Variants in NCAM1 observed in about 807,000 individuals in gnomAD.
NCAM1 encodes the protein neural cell adhesion molecule 1, also known as antigen recognized by monoclonal antibody 5.1H11.
A neutral mutation model predicts 109.8 loss-of-function variants in NCAM1; 14 were observed. The ratio of observed to expected loss-of-function variants is 0.13; its 90% confidence interval spans 0.08 to 0.20. The LOEUF (loss-of-function observed/expected upper bound fraction) is 0.20, where lower values mean the gene tolerates loss of function less well. Among genes scored for constraint, NCAM1 ranks in the 10% least tolerant of loss-of-function variants. The probability of loss-of-function intolerance (pLI) is 1.00; values close to 1 mark genes in which losing one functional copy is unlikely to be tolerated. For synonymous variants in NCAM1, 418 were observed against 442.9 expected (o/e 0.94, Z 0.70); for missense variants, 774 against 1,109.9 (o/e 0.70, Z 4.30).
chr11:113,100,474 G>A (rs1380949006), intron 1 of NCAM1, among the ~76,000 whole-genome samples: 1 of 152,158 alleles, frequency 6.6e-6, no homozygotes, highest in Non-Finnish European at 1.5e-5. Flanking sequence ...CATCCAGGAA[G>A]AAGCAGGTCA....
chr11:113,264,145 C>T (rs1946081618), intron 17 of NCAM1: 3 of 985,108 alleles, frequency 3.0e-6, no homozygotes, highest in South Asian at 4.7e-5. Flanking sequence ...AACTCCCTCC[C>T]TCCCCCCATT....
chr11:112,997,378 C>T (rs1951623340), intron 1 of NCAM1, among the ~76,000 whole-genome samples: 1 of 152,088 alleles, frequency 6.6e-6, no homozygotes, highest in African/African-American at 2.4e-5. Flanking sequence ...TAGGTGTTGT[C>T]ATGTCTTTTG....
intron 17 of NCAM1, among the ~76,000 whole-genome samples, chr11:113,265,391 C>G (rs1946117495): frequency 6.6e-6 from 1 of 152,150 alleles, no homozygotes; most frequent in Admixed American, 6.5e-5. Flanking sequence ...AGAGGCATTG[C>G]TGCCTTGGAG....
intron 1 of NCAM1, among the ~76,000 whole-genome samples, chr11:113,120,445 G>A (rs556790669): frequency 6.6e-5 from 10 of 152,278 alleles, no homozygotes; most frequent in Non-Finnish European, 1.5e-4. Flanking sequence ...AGGACCTTTA[G>A]CTGTATTCAG....
chr11:112,961,560 G>GC lies in NCAM1; in HGVS notation c.-53_-52insC, dbSNP rs782517564. 5 of 1,144,776 alleles carry GC rather than the reference G, an allele frequency of 4.4e-6. No homozygotes were observed. Among genetic ancestry groups the GC allele is most frequent in the South Asian group, 2.5e-5 (2 of 81,002 alleles). 70.9% of individuals were successfully genotyped at this position (1,144,776 alleles called of 1,614,324 possible). ...CGCCGTCCACACTCGCTGCAGGGGG[G>GC]GGGGCACAGAATTTACCGCGGCAAG... On this transcript the variant is annotated 5_prime_UTR_variant, in exon 1 of 20. Transcript: ENST00000316851.
chr11:113,229,139 A>C (rs1944929942), intron 9 of NCAM1, among the ~76,000 whole-genome samples: 1 of 152,254 alleles, frequency 6.6e-6, no homozygotes, highest in African/African-American at 2.4e-5. Flanking sequence ...CATCAGAGTG[A>C]ACAGGCAACC....
chr11:112,971,459 A>G (rs1950880293), intron 1 of NCAM1, among the ~76,000 whole-genome samples: 1 of 152,136 alleles, frequency 6.6e-6, no homozygotes, highest in African/African-American at 2.4e-5. Context: ...GGGGAGGAAG[A>G]AATGACAGCA....
At chr11:113,254,705 TTCTGTCACACG>T (rs1280740053) in intron 15 of NCAM1, among the ~76,000 whole-genome samples, 2 of 152,204 alleles carry the variant, frequency 1.3e-5, no homozygotes, top group Non-Finnish European at 2.9e-5. Context: ...TTTGTGGCTC[TTCTGTCACACG>T]TCTGTGATTC....
At chr11:113,270,475 C>T (rs1269993474) in intron 18 of NCAM1, 80 bp downstream of exon 18, 1 of 1,346,878 alleles carries the variant, frequency 7.4e-7, no homozygotes, top group Admixed American at 1.9e-5. Flanking sequence ...CACCCTGCGC[C>T]ATCAGCTGGT....
chr11:113,237,095 GAC>G (rs782226682), intron 14 of NCAM1, among the ~76,000 whole-genome samples: 41 of 152,278 alleles, frequency 2.7e-4, no homozygotes, highest in Admixed American at 9.1e-4. Context: ...CCACTGGAAG[GAC>G]ACCCTTCATC....
In NCAM1 at chr11:112,961,428, T is replaced by C. The variant is rs1555062732; in HGVS notation, c.-185T>C. 4 of 762,110 alleles carry C rather than the reference T, an allele frequency of 5.2e-6. No individual in the cohort carries two copies. Among genetic ancestry groups the C allele is most frequent in the Admixed American group, 3.5e-5 (2 of 57,334 alleles). The allele number at this position is 762,110 out of a possible 1,614,324, so 47.2% of individuals were successfully genotyped here. A position where few individuals can be genotyped will look rare whatever the true frequency, so the allele number is the denominator to read the frequency against. On this transcript the variant is annotated 5_prime_UTR_variant, in exon 1 of 20. Transcript: ENST00000316851. ...CTGAGGCTGGGACTGTCACTCATTC[T>C]CCGATCAGCGCGTGAACGCAGCTCG...
chr11:112,997,461 C>A (rs1555071616), intron 1 of NCAM1, among the ~76,000 whole-genome samples: 1 of 152,030 alleles, frequency 6.6e-6, no homozygotes, highest in African/African-American at 2.4e-5. Context: ...AATGTTTTTG[C>A]CTTCTTTGGT....
chr11:113,061,961 C>G (rs1937671814), intron 1 of NCAM1, among the ~76,000 whole-genome samples: 1 of 152,076 alleles, frequency 6.6e-6, no homozygotes, highest in Non-Finnish European at 1.5e-5. Context: ...TTCTGAGGAC[C>G]TAGTCTGTTG....
intron 1 of NCAM1, among the ~76,000 whole-genome samples, chr11:113,198,452 A>G (rs1241361505): frequency 6.6e-6 from 1 of 151,196 alleles, no homozygotes; most frequent in African/African-American, 2.4e-5. Flanking sequence ...GCTCACTGCA[A>G]CCTCCACCTC....
chr11:113,208,824 T>A (rs1263200048), intron 7 of NCAM1, among the ~76,000 whole-genome samples: 2 of 152,236 alleles, frequency 1.3e-5, no homozygotes, highest in African/African-American at 4.8e-5. Context: ...TACACGGCGT[T>A]ATCCCTGTGA....
chr11:113,046,504 A>G (rs1294776234), intron 1 of NCAM1, among the ~76,000 whole-genome samples: 1 of 152,228 alleles, frequency 6.6e-6, no homozygotes, highest in Non-Finnish European at 1.5e-5. Context: ...TTACAGCCAT[A>G]GATAAATAGG....
intron 1 of NCAM1, among the ~76,000 whole-genome samples, chr11:113,101,870 T>C (rs1322501847): frequency 6.6e-6 from 1 of 152,228 alleles, no homozygotes; most frequent in Non-Finnish European, 1.5e-5. Context: ...TCCCCAATGA[T>C]GTGTATTATT....
At chr11:113,027,138 T>C (rs969395716) in intron 1 of NCAM1, among the ~76,000 whole-genome samples, 4 of 152,258 alleles carry the variant, frequency 2.6e-5, no homozygotes, top group Non-Finnish European at 5.9e-5. Flanking sequence ...TATAATTCTC[T>C]GTACAATTAC....
intron 1 of NCAM1, among the ~76,000 whole-genome samples, chr11:113,170,218 G>A (rs1394558261): frequency 1.3e-5 from 2 of 152,164 alleles, no homozygotes; most frequent in African/African-American, 4.8e-5. Flanking sequence ...GCACTCCATG[G>A]CTAATAGAGG....
Sources: allele counts gnomAD v4.1 joint callset (sites outside exome capture counted in the v4.1 genomes callset), GRCh38; gene constraint gnomAD v4.1.1; transcripts MANE v1.5; gene names NCBI Gene and HGNC (gene_info 2026-07-23, HGNC 2026-07-21).